The following C10orf53 variants were observed in gnomAD, a reference collection of about 807,000 sequenced individuals.
C10orf53 encodes UPF0728 protein C10orf53.
Under a neutral mutation model 9.4 loss-of-function variants are expected in C10orf53, and 8 were observed. That is an observed-to-expected ratio of 0.85 (90% CI 0.50 to 1.53). The LOEUF is 1.53. Among genes scored for constraint, C10orf53 ranks in the 40% most tolerant of loss-of-function variants. The pLI, the probability that C10orf53 is intolerant of heterozygous loss-of-function variation, is 0.00. For missense variants in C10orf53, 117 were observed against 117.8 expected (o/e 0.99, Z 0.03); for synonymous variants, 48 against 46.0 (o/e 1.04, Z -0.18).
chr10:49,685,347 G>C (rs1840518664), intron 1 of C10orf53, among the ~76,000 whole-genome samples: 2 of 152,090 alleles, frequency 1.3e-5, no homozygotes, highest in African/African-American at 4.8e-5. Context: ...ATTTTGCCCA[G>C]CTGTAGGCTA....
At chr10:49,704,760 A>G (rs762592659) in intron 2 of C10orf53, among the ~76,000 whole-genome samples, 33 of 152,200 alleles carry the variant, frequency 2.2e-4, no homozygotes, top group Non-Finnish European at 4.7e-4. Flanking sequence ...TTAAAATAAA[A>G]AAGGAAATAC....
intron 2 of C10orf53, 81 bp downstream of exon 2, chr10:49,693,974 T>C: frequency 6.3e-7 from 1 of 1,579,434 alleles, no homozygotes; most frequent in Non-Finnish European, 8.7e-7. Context: ...ATGATCAGTG[T>C]ATCATGCCTG....
chr10:49,690,822 G>A (rs1423609815), intron 1 of C10orf53, among the ~76,000 whole-genome samples: 4 of 152,292 alleles, frequency 2.6e-5, no homozygotes, highest in East Asian at 1.9e-4. Flanking sequence ...CCCTTGCGCG[G>A]GGGTGTGTGT....
downstream of C10orf53, among the ~76,000 whole-genome samples, chr10:49,698,149 G>C (rs1223764530): frequency 1.3e-5 from 2 of 152,140 alleles, no homozygotes; most frequent in Non-Finnish European, 2.9e-5. Context: ...AATTAGCTGA[G>C]TGCAGTGGCA....
intron 2 of C10orf53, among the ~76,000 whole-genome samples, chr10:49,703,565 G>C (rs1387617098): frequency 6.6e-6 from 1 of 152,204 alleles, no homozygotes; most frequent in South Asian, 2.1e-4. Flanking sequence ...CCACATACTG[G>C]CACAAGGTAG....
Position 49,695,249 on chromosome 10 carries a change from G to A in C10orf53, c.*647G>A, listed in dbSNP as rs1840623390. On this transcript the variant is annotated 3_prime_UTR_variant, in exon 3 of 3. Coordinates refer to ENST00000374111, the MANE Select transcript of C10orf53 (RefSeq NM_001042427.3). Reference sequence around the variant, plus strand: ...CGCAAAAGAGTCCTCAGCAGAATGTGAGATGGTTCCCTGGTCCCTCTGGAG... The same window carrying A: ...CGCAAAAGAGTCCTCAGCAGAATGTAAGATGGTTCCCTGGTCCCTCTGGAG... The A allele has an allele frequency of 6.6e-6, 1 of 152,550 alleles. No homozygotes were observed. Among genetic ancestry groups the A allele is most frequent in the South Asian group, 2.1e-4 (1 of 4,838 alleles). The allele number at this position is 152,550 out of a possible 1,614,324, so 9.4% of individuals were successfully genotyped here.
chr10:49,698,006 A>T (rs949917837), downstream of C10orf53, among the ~76,000 whole-genome samples: 8 of 152,148 alleles, frequency 5.3e-5, no homozygotes, highest in African/African-American at 1.9e-4. Flanking sequence ...AAATCTGATG[A>T]TTGGCTGGAG....
intron 1 of C10orf53, among the ~76,000 whole-genome samples, chr10:49,685,192 T>C (rs894276984): frequency 2.6e-5 from 4 of 151,982 alleles, no homozygotes; most frequent in Admixed American, 2.6e-4. Context: ...CTTTTGATTT[T>C]TGACTATATG....
chr10:49,680,676 G>A (rs1840470472), intron 1 of C10orf53, among the ~76,000 whole-genome samples: 1 of 152,176 alleles, frequency 6.6e-6, no homozygotes, highest in South Asian at 2.1e-4. Flanking sequence ...TGGAAACAAG[G>A]AAGACAAGTC....
At chr10:49,682,798 A>G (rs1840492690) in intron 1 of C10orf53, among the ~76,000 whole-genome samples, 1 of 151,566 alleles carries the variant, frequency 6.6e-6, no homozygotes, top group Non-Finnish European at 1.5e-5. Context: ...CCCGACCCAG[A>G]AGCCCAGCTG....
chr10:49,679,888 C>T (rs1464268059), intron 1 of C10orf53, 94 bp downstream of exon 1: 3 of 1,123,358 alleles, frequency 2.7e-6, no homozygotes, highest in Admixed American at 7.1e-5. Context: ...CAGACCCCCA[C>T]GAAGCGCCAC....
chr10:49,694,342 G>A (rs1590644406), intron 2 of C10orf53, 196 bp from the exon 3 acceptor site: 1 of 724,180 alleles, frequency 1.4e-6, no homozygotes, highest in Non-Finnish European at 2.2e-6. Flanking sequence ...GGCCTGGCAG[G>A]CTGGCACTGT....
chr10:49,688,654 C>T (rs1053550304), intron 1 of C10orf53, among the ~76,000 whole-genome samples: 19 of 140,726 alleles, frequency 1.4e-4, no homozygotes, highest in African/African-American at 4.6e-4. Context: ...CCTGCTTCTG[C>T]CTATCCTCTC....
chr10:49,692,009 G>A (rs1445476098), intron 1 of C10orf53, among the ~76,000 whole-genome samples: 1 of 152,220 alleles, frequency 6.6e-6, no homozygotes, highest in African/African-American at 2.4e-5. Context: ...AGTGTCTTCA[G>A]ACAAATGCAG....
At chr10:49,700,608 T>C (rs1475056526), downstream of C10orf53, among the ~76,000 whole-genome samples, 1 of 152,140 alleles carries the variant, frequency 6.6e-6, no homozygotes, top group Non-Finnish European at 1.5e-5. Flanking sequence ...TTCTCCCTGA[T>C]TCTCATATCT....
chr10:49,707,807 T>C (rs1840733330), intron 2 of C10orf53, among the ~76,000 whole-genome samples: 1 of 152,148 alleles, frequency 6.6e-6, no homozygotes, highest in Non-Finnish European at 1.5e-5. Context: ...CAGAGGGATG[T>C]ACATTTTCCT....
intron 2 of C10orf53, among the ~76,000 whole-genome samples, chr10:49,704,190 A>G (rs1484986749): frequency 2.0e-5 from 3 of 152,268 alleles, no homozygotes; most frequent in Non-Finnish European, 4.4e-5. Context: ...TCAACTTCAT[A>G]AGAAGAAAAG....
intron 1 of C10orf53, among the ~76,000 whole-genome samples, chr10:49,690,141 T>A (rs1025741): frequency 0.95 from 144,444 of 152,240 alleles, 68,852 homozygotes; most frequent in Middle Eastern, 1. Context: ...CTTCCCACAA[T>A]AGGGGAAGGG....
At chr10:49,703,493 G>T (rs1840699854) in intron 2 of C10orf53, among the ~76,000 whole-genome samples, 1 of 152,206 alleles carries the variant, frequency 6.6e-6, no homozygotes, top group African/African-American at 2.4e-5. Flanking sequence ...GCAGCGTTCT[G>T]CTAAAATATC....
Sources: allele counts gnomAD v4.1 joint callset (sites outside exome capture counted in the v4.1 genomes callset), GRCh38; gene constraint gnomAD v4.1.1; transcripts MANE v1.5; gene names NCBI Gene and HGNC (gene_info 2026-07-23, HGNC 2026-07-21).